Variants in UMODL1 observed in about 807,000 individuals in gnomAD.
UMODL1 encodes the protein uromodulin like 1.
Under a neutral mutation model 136.3 loss-of-function variants are expected in UMODL1, and 128 were observed. The ratio of observed to expected loss-of-function variants is 0.94; its 90% CI spans 0.81 to 1.09. The LOEUF is 1.09. UMODL1 is among the 50% of genes least tolerant of loss of function. The pLI is 0.00. For missense variants in UMODL1, 1,766 were observed against 1,725.6 expected, an observed-to-expected ratio of 1.02 and a Z score of -0.41; for synonymous variants, 721 against 720.0, an observed-to-expected ratio of 1.00 and a Z score of -0.02.
intron 22 of UMODL1, among the ~76,000 whole-genome samples, chr21:42,139,262 C>T (rs1050344477): frequency 7.2e-5 from 11 of 152,144 alleles, no homozygotes; most frequent in African/African-American, 9.7e-5. Context: ...CATGCGGCTT[C>T]GGCTTCTGGG....
intron 21 of UMODL1, among the ~76,000 whole-genome samples, chr21:42,130,267 C>T (rs2067117533): frequency 6.6e-6 from 1 of 151,604 alleles, no homozygotes; most frequent in Non-Finnish European, 1.5e-5. Flanking sequence ...AATGTGCATG[C>T]ACAAGGAAAA....
chr21:42,128,006 A>C (rs2067084960), intron 20 of UMODL1, 175 bp downstream of exon 20: 4 of 846,416 alleles, frequency 4.7e-6, no homozygotes, highest in Non-Finnish European at 7.7e-6. Flanking sequence ...CACGGCAGGC[A>C]GCCCTTGGAC....
In UMODL1 at chr21:42,122,961, C is replaced by G. The variant is rs372338276; in HGVS notation, c.2958C>G (p.Thr986=). 14 of 1,613,944 alleles carry G rather than the reference C, an allele frequency of 8.7e-6. No individual in the cohort carries two copies. The East Asian group carries it at 2.9e-4, about 33-fold the overall frequency. ...PQGLPQRLNL[T]GAVRVLCEIE... ...GCCTGCCCCAGCGGCTGAACCTGAC[C>G]GGAGCAGTCAGGGTGCTCTGTGAGA... The change falls in exon 17 of 23, where the codon ACC becomes ACG. Residue 986 remains threonine, a synonymous_variant. Transcript: ENST00000408910. This position sits in a 1 kb window ranked among gnomAD's most constrained non-coding sequence, Gnocchi z 4.3.
chr21:42,098,013 G>A (rs2066578597), intron 6 of UMODL1, among the ~76,000 whole-genome samples: 1 of 152,358 alleles, frequency 6.6e-6, no homozygotes, highest in African/African-American at 2.4e-5. Context: ...GCCCAGTGCA[G>A]AAGTTCTCGT....
Position 42,126,384 on chromosome 21 carries a change from G to C in UMODL1, c.3187G>C (p.Asp1063His), listed in dbSNP as rs748466227. The change falls in exon 18 of 23, where the codon GAC becomes CAC. Residue 1063 changes from aspartate to histidine, a missense_variant. Transcript: ENST00000408910. ...CGTGGTGAGGACCACGCTGAGGAAC[G>C]ACCTGTCCCAGGAGGGCATCATCCA... ...NTVVRTTLRN[D>H]LSQEGIIHHL... is the part of the protein sequence containing the mutation. The C allele has an allele frequency of 3.1e-6, 5 of 1,614,176 alleles. No homozygotes were observed. The highest frequency in any genetic ancestry group is 1.6e-4 in the Middle Eastern group (1 of 6,062).
chr21:42,081,743 G>A (rs1291145186), intron 2 of UMODL1, among the ~76,000 whole-genome samples: 1 of 152,118 alleles, frequency 6.6e-6, no homozygotes, highest in Non-Finnish European at 1.5e-5. Flanking sequence ...ACAGCTCTCG[G>A]GACTACTTGT....
Position 42,085,698 on chromosome 21 carries a change from GC to G in UMODL1, c.603+287del, listed in dbSNP as rs2066418707. ...CGTGGTGGAGAACGCGGATCCCTAA[GC>G]TTGCAGGGGTCTGCAGTCCCAGCAA... On this transcript the variant is annotated intron_variant, in intron 4 of 22. Transcript: ENST00000408910. The surrounding 1 kb of genome is among the most constrained non-coding windows in gnomAD (Gnocchi z 4.5). Among the ~76,000 whole-genome samples, 1 of 152,192 alleles carries G rather than the reference GC, an allele frequency of 6.6e-6. No homozygotes were observed. The highest frequency in any genetic ancestry group is 2.4e-5 in the African/African-American group (1 of 41,442).
intron 2 of UMODL1, among the ~76,000 whole-genome samples, chr21:42,082,651 C>G (rs1448849280): frequency 2.0e-5 from 3 of 152,170 alleles, no homozygotes; most frequent in Admixed American, 6.5e-5. Context: ...CAGCCTCGTC[C>G]CGGAGCTCCC....
intron 1 of UMODL1, among the ~76,000 whole-genome samples, chr21:42,074,781 G>T (rs530431300): frequency 6.6e-6 from 1 of 152,304 alleles, no homozygotes; most frequent in Non-Finnish European, 1.5e-5. Context: ...CTGGAGTGCA[G>T]TGACATGATC....
chr21:42,109,883 A>C (rs1340130670), intron 10 of UMODL1, among the ~76,000 whole-genome samples, 184 bp downstream of exon 10: 1 of 152,246 alleles, frequency 6.6e-6, no homozygotes, highest in South Asian at 2.1e-4. Flanking sequence ...AAGGATAGTA[A>C]ATATACATAA....
chr21:42,092,037 G>C (rs1216316176), intron 6 of UMODL1, among the ~76,000 whole-genome samples: 1 of 152,222 alleles, frequency 6.6e-6, no homozygotes, highest in Non-Finnish European at 1.5e-5. Flanking sequence ...AGCCCCAAGC[G>C]AGCAAGCGGT....
chr21:42,130,403 T>C (rs2123377823), intron 21 of UMODL1, among the ~76,000 whole-genome samples: 1 of 152,334 alleles, frequency 6.6e-6, no homozygotes. Flanking sequence ...AACATTTTAT[T>C]TTCTATATGG....
At chr21:42,076,318 T>C (rs2066291425) in intron 2 of UMODL1, 71 bp downstream of exon 2, 13 of 1,589,286 alleles carry the variant, frequency 8.2e-6, no homozygotes, top group Non-Finnish European at 1.0e-5. Context: ...ACAGTCACCG[T>C]TGGCATCCAT....
chr21:42,116,045 G>A, intron 14 of UMODL1, 60 bp downstream of exon 14: 1 of 1,457,046 alleles, frequency 6.9e-7, no homozygotes, highest in Admixed American at 1.7e-5. Context: ...AAGGCTGATA[G>A]AATTCTAGGT....
At chr21:42,094,470 G>C (rs964172606) in intron 6 of UMODL1, among the ~76,000 whole-genome samples, 4 of 152,178 alleles carry the variant, frequency 2.6e-5, no homozygotes, top group African/African-American at 9.7e-5. Context: ...GTGGAGCAAG[G>C]GCTCTGGGGC....
chr21:42,090,020 G>A (rs1442866456), intron 5 of UMODL1, among the ~76,000 whole-genome samples: 1 of 152,222 alleles, frequency 6.6e-6, no homozygotes, highest in Admixed American at 6.5e-5. Flanking sequence ...ACTCAGTCCA[G>A]CCCAGAGTGA....
chr21:42,081,241 C>T (rs374196711), intron 2 of UMODL1, among the ~76,000 whole-genome samples: 5 of 152,174 alleles, frequency 3.3e-5, no homozygotes, highest in African/African-American at 7.2e-5. Context: ...CCCGACCAGG[C>T]GAAGAGGCCC....
chr21:42,081,612 G>A (rs1316145326), intron 2 of UMODL1, among the ~76,000 whole-genome samples: 1 of 152,158 alleles, frequency 6.6e-6, no homozygotes, highest in East Asian at 1.9e-4. Context: ...GTTTTGGGGG[G>A]ATTGTTTCTA....
chr21:42,070,975 T>C (rs974288886), upstream of UMODL1, among the ~76,000 whole-genome samples: 1 of 152,242 alleles, frequency 6.6e-6, no homozygotes, highest in Non-Finnish European at 1.5e-5. Flanking sequence ...GAGTCTCAAA[T>C]GTGTTTTCTG....
Sources: allele counts gnomAD v4.1 joint callset (sites outside exome capture counted in the v4.1 genomes callset), GRCh38; gene constraint gnomAD v4.1.1; non-coding constraint Gnocchi (gnomAD v3.1); transcripts MANE v1.5; gene names NCBI Gene and HGNC (gene_info 2026-07-23, HGNC 2026-07-21).